PYGB: variants seen among roughly 807,000 people sequenced by gnomAD.
PYGB encodes the protein glycogen phosphorylase, brain form.
A neutral mutation model predicts 94.3 loss-of-function variants in PYGB; 82 were observed. The observed-to-expected ratio is 0.87, with a 90% CI of 0.73 to 1.04. The LOEUF is 1.04. Among genes scored for constraint, PYGB ranks in the 50% least tolerant of loss-of-function variants. PYGB has a pLI of 0.00. For synonymous variants in PYGB, 488 were observed against 479.1 expected (o/e 1.02, Z -0.24); for missense variants, 1,132 against 1,158.2 (o/e 0.98, Z 0.33).
At chr20:25,290,141 C>A (rs1282522429) in intron 15 of PYGB, among the ~76,000 whole-genome samples, 2 of 152,174 alleles carry the variant, frequency 1.3e-5, no homozygotes, top group African/African-American at 4.8e-5. Flanking sequence ...CCAGTGTGTC[C>A]CAGTATGTCC....
At position 25,288,362 on chromosome 20, in the gene PYGB, G is replaced by C. The variant is rs780324317; in HGVS notation, c.1769-63G>C. 1.9e-6 allele frequency: 3 copies of C among 1,586,658 alleles called. No individual in the cohort carries two copies. In the African/African-American group the frequency reaches 4.0e-5, roughly 21 times the overall value. On this transcript the variant is annotated intron_variant, in intron 14 of 19. Coordinates refer to ENST00000216962, the MANE Select transcript of PYGB (RefSeq NM_002862.4). The stretch of plus-strand genomic sequence containing the variant: ...CAGGGTCGGCCTCTGATGCTGCTGG[G>C]CCCCAGCAGGGGCTCGTCCGGCTCG...
rs116595887 is a variant in PYGB at position 25,296,497 on chromosome 20, C to G, written c.2507C>G (p.Pro836Arg). 7 of 1,613,484 alleles carry G rather than the reference C, an allele frequency of 4.3e-6. No individual in the cohort carries two copies. In the African/African-American group the frequency reaches 5.3e-5, roughly 12 times the overall value. ...WGVEPSDLQI[P>R]PPNIPRD ...GTGGAGCCCTCCGACCTGCAGATCC[C>G]GCCCCCCAACATCCCCCGGGACTAG... is the stretch of plus-strand genomic sequence containing the variant. The change falls in exon 20 of 20, where the codon CCG (proline) becomes CGG (arginine). Residue 836 changes from proline (P) to arginine (R), a missense_variant. Transcript: ENST00000216962.
At chr20:25,248,518 C>A in intron 1 of PYGB, 97 bp downstream of exon 1, 2 of 1,239,030 alleles carry the variant, frequency 1.6e-6, no homozygotes, top group Non-Finnish European at 1.0e-6. Flanking sequence ...GCCCGTCGGG[C>A]GTTACCTGCG....
intron 7 of PYGB, 136 bp downstream of exon 7, chr20:25,277,462 AG>A: frequency 1.3e-6 from 1 of 746,906 alleles, no homozygotes; most frequent in Non-Finnish European, 2.2e-6. Flanking sequence ...CTCTCGCCTT[AG>A]GTGCACACAC....
rs1478498161 is a variant in PYGB, at chr20:25,291,688, T to TA, written c.1970-717dup. Among the ~76,000 whole-genome samples the TA allele has an allele frequency of 8.6e-5, 13 of 151,988 alleles. No individual in the cohort carries two copies. The East Asian group carries it at 2.5e-3, about 30-fold the overall frequency. Reference sequence around the variant, plus strand: ...GTGCTGCCTGAGGCTCCCCTCCTCCTATGTGTTTTGGGGCCAGCTGACTCC... The same window carrying TA: ...GTGCTGCCTGAGGCTCCCCTCCTCCTAATGTGTTTTGGGGCCAGCTGACTCC... On this transcript the variant is annotated intron_variant, in intron 16 of 19. Coordinates refer to ENST00000216962, the MANE Select transcript of PYGB (RefSeq NM_002862.4).
At chr20:25,269,322 G>A in intron 3 of PYGB, 115 bp downstream of exon 3, 1 of 720,906 alleles carries the variant, frequency 1.4e-6, no homozygotes, top group Non-Finnish European at 2.3e-6. Context: ...TTGAGTGGAT[G>A]GGCCAGTGTG....
At chr20:25,250,315 AG>A (rs1205194688) in intron 1 of PYGB, among the ~76,000 whole-genome samples, 3 of 152,224 alleles carry the variant, frequency 2.0e-5, no homozygotes. Flanking sequence ...CGATGGGCTC[AG>A]GGATTACGGA....
intron 7 of PYGB, among the ~76,000 whole-genome samples, chr20:25,277,667 G>A (rs1424469329): frequency 3.3e-5 from 5 of 152,206 alleles, no homozygotes; most frequent in Non-Finnish European, 5.9e-5. Context: ...TCTGTGTGCT[G>A]TTCTAGCCTG....
chr20:25,289,769 C>G, intron 15 of PYGB: 1 of 524,342 alleles, frequency 1.9e-6, no homozygotes, highest in Non-Finnish European at 3.9e-6. Flanking sequence ...TGCAGACACT[C>G]TAGCTCTTCA....
chr20:25,262,190 AGTTG>A (rs2092915086), intron 2 of PYGB, among the ~76,000 whole-genome samples: 1 of 152,212 alleles, frequency 6.6e-6, no homozygotes, highest in Admixed American at 6.5e-5. Context: ...GATTCACCAA[AGTTG>A]AAATGAAGGA....
intron 10 of PYGB, 91 bp from the exon 11 acceptor site, chr20:25,280,858 G>GTGGT: frequency 6.8e-7 from 1 of 1,473,446 alleles, no homozygotes; most frequent in Non-Finnish European, 9.3e-7. Flanking sequence ...CTTCCCATGG[G>GTGGT]TGGTCATGGA....
At chr20:25,259,542 G>A (rs368451158) in intron 2 of PYGB, among the ~76,000 whole-genome samples, 1 of 152,310 alleles carries the variant, frequency 6.6e-6, no homozygotes, top group Non-Finnish European at 1.5e-5. Context: ...AGAATCGAAC[G>A]GACCGCAAGC....
chr20:25,251,163 G>GT (rs1289815694), intron 1 of PYGB: 3 of 152,244 alleles, frequency 2.0e-5, no homozygotes, highest in African/African-American at 7.2e-5. Flanking sequence ...TTGGCAAGAG[G>GT]TGGCGGTTGG....
rs1326624052 is a variant in PYGB at position 25,248,429 on chromosome 20, G to T, written c.243+8G>T. ...TACGAGCGCGACCCCAAGGTGAGGC[G>T]CTGCCCCGCCCTGTGCGCCCGTGCC... is the stretch of plus-strand genomic sequence containing the variant. On this transcript the variant is annotated splice_region_variant and intron_variant, in intron 1 of 19. Transcript: ENST00000216962. 2 of 1,489,910 alleles carry T rather than the reference G, an allele frequency of 1.3e-6. No homozygotes were observed. Among genetic ancestry groups the T allele is most frequent in the Non-Finnish European group, 9.0e-7 (1 of 1,114,656 alleles). The allele number at this position is 1,489,910 out of a possible 1,614,324, so 92.3% of individuals were successfully genotyped here.
At chr20:25,292,153 T>C (rs1488916572) in intron 16 of PYGB, among the ~76,000 whole-genome samples, 2 of 152,144 alleles carry the variant, frequency 1.3e-5, no homozygotes, top group Non-Finnish European at 2.9e-5. Context: ...GCCACCTGGC[T>C]CCTGAGGAGC....
intron 2 of PYGB, among the ~76,000 whole-genome samples, chr20:25,262,921 C>T (rs2092916869): frequency 1.3e-5 from 2 of 152,172 alleles, no homozygotes; most frequent in African/African-American, 4.8e-5. Context: ...GCTAACTATT[C>T]TAAATACATA....
intron 12 of PYGB, 47 bp from the exon 13 acceptor site, chr20:25,283,129 C>T (rs758411547): frequency 1.3e-6 from 2 of 1,519,686 alleles, no homozygotes; most frequent in Admixed American, 1.7e-5. Flanking sequence ...GGGGCCCAGC[C>T]TCAGGAGGCT....
In PYGB at chr20:25,294,260, G is replaced by A; in HGVS notation, c.2280G>A (p.Lys760=). 1.3e-6 allele frequency: 2 copies of A among 1,490,644 alleles called. No homozygotes were observed. The highest frequency in any genetic ancestry group is 1.8e-6 in the Non-Finnish European group (2 of 1,101,680). The allele number at this position is 1,490,644 out of a possible 1,614,324, so 92.3% of individuals were successfully genotyped here. Residue 760 remains lysine, a synonymous_variant, in exon 18 of 20, where the codon AAG becomes AAA. Coordinates refer to ENST00000216962, the MANE Select transcript of PYGB (RefSeq NM_002862.4). ...CTCCCAAGGAGCCAGACTGCTTCAA[G>A]GACATCGTGAACATGCTGATGCACC... ...FFSPKEPDCF[K]DIVNMLMHHD...
At chr20:25,259,833 A>T (rs1484511944) in intron 2 of PYGB, among the ~76,000 whole-genome samples, 1 of 152,198 alleles carries the variant, frequency 6.6e-6, no homozygotes, top group Non-Finnish European at 1.5e-5. Context: ...CTTTGAACTT[A>T]ATCCTTTCAC....
Sources: gnomAD v4.1 joint callset for allele counts (sites outside exome capture counted in the v4.1 genomes callset) on GRCh38, gnomAD v4.1.1 for gene constraint, MANE v1.5 for transcripts, NCBI Gene and HGNC (gene_info 2026-07-23, HGNC 2026-07-21) for gene names.